The following LAMA4 variants were observed in gnomAD, a reference collection of about 807,000 sequenced individuals.
LAMA4 encodes the protein laminin subunit alpha-4.
In LAMA4, 127 loss-of-function variants were observed where a neutral mutation model predicts 207.1. The observed-to-expected ratio is 0.61, with a 90% CI of 0.53 to 0.71. The LOEUF is 0.71. Among genes scored for constraint, LAMA4 ranks in the 30% least tolerant of loss-of-function variants. The probability of loss-of-function intolerance (pLI) is 0.00; values close to 1 mark genes in which losing one functional copy is unlikely to be tolerated. For missense variants in LAMA4, 2,093 were observed against 2,246.5 expected (o/e 0.93, Z 1.38); for synonymous variants, 761 against 816.0 (o/e 0.93, Z 1.15).
intron 3 of LAMA4, among the ~76,000 whole-genome samples, chr6:112,208,033 T>C (rs1349333591): frequency 1.3e-5 from 2 of 152,234 alleles, no homozygotes; most frequent in African/African-American, 4.8e-5. Flanking sequence ...TAAGGGGCAG[T>C]GAGCTAACAC....
intron 6 of LAMA4, among the ~76,000 whole-genome samples, 185 bp downstream of exon 6, chr6:112,191,451 A>T (rs1235313421): frequency 6.6e-6 from 1 of 152,224 alleles, no homozygotes; most frequent in Admixed American, 6.5e-5. Context: ...TTATATTAGT[A>T]GCCTTGATAA....
intron 12 of LAMA4, among the ~76,000 whole-genome samples, chr6:112,170,348 C>T (rs1781641312): frequency 6.6e-6 from 1 of 152,208 alleles, no homozygotes; most frequent in Non-Finnish European, 1.5e-5. Flanking sequence ...GTCCACTTCT[C>T]ATTTCAGGGC....
chr6:112,204,298 A>G (rs782040414), intron 4 of LAMA4, among the ~76,000 whole-genome samples: 2 of 152,202 alleles, frequency 1.3e-5, no homozygotes, highest in Non-Finnish European at 2.9e-5. Flanking sequence ...ATCTGATTGC[A>G]TGTAGACAAG....
Position 112,200,238 on chromosome 6 carries a change from T to C in LAMA4, c.503+1370A>G, listed in dbSNP as rs1783660727. 4 of 496,798 alleles carry C rather than the reference T, an allele frequency of 8.1e-6. No homozygotes were observed. The Admixed American group carries it at 9.7e-5, about 12-fold the overall frequency. The allele number at this position is 496,798 out of a possible 1,614,324, so 30.8% of individuals were successfully genotyped here. A position where few individuals can be genotyped will look rare whatever the true frequency, so the allele number is the denominator to read the frequency against. ...AAGAGAGAAAAGAGTGTCATGTGCT[T>C]TTCAAAAGAAGACATTTATGTGGCC... On this transcript the variant is annotated intron_variant, in intron 5 of 38. Coordinates refer to ENST00000230538, the MANE Select transcript of LAMA4 (RefSeq NM_001105206.3).
chr6:112,132,415 T>A (rs1779089716), intron 28 of LAMA4, among the ~76,000 whole-genome samples: 1 of 152,100 alleles, frequency 6.6e-6, no homozygotes, highest in Non-Finnish European at 1.5e-5. Flanking sequence ...GTACTGGTAA[T>A]ACTACTGTGG....
rs1386982947 is a variant in LAMA4 at position 112,175,407 on chromosome 6, C to T, written c.1263G>A (p.Val421=). 5 of 1,614,190 alleles carry T rather than the reference C, an allele frequency of 3.1e-6. No individual in the cohort carries two copies. Among genetic ancestry groups the T allele is most frequent in the East Asian group, 4.5e-5 (2 of 44,888 alleles). The change falls in exon 11 of 39, where the codon GTG becomes GTA. Residue 421 remains valine, a synonymous_variant. Coordinates refer to ENST00000230538, the MANE Select transcript of LAMA4 (RefSeq NM_001105206.3). ...TCTCTTCAAGCATCTTCTGGGCCAA[C>T]ACCAGCTTCTCAGAGATTTCCTTGG... is the stretch of plus-strand genomic sequence containing the variant. ...LSPKEISEKL[V]LAQKMLEEIR...
chr6:112,156,883 C>T (rs782702716), intron 14 of LAMA4, among the ~76,000 whole-genome samples: 2 of 152,138 alleles, frequency 1.3e-5, no homozygotes, highest in African/African-American at 4.8e-5. Flanking sequence ...CATTCTACCC[C>T]CTCTACAAAA....
At chr6:112,242,568 T>G (rs1170583633) in intron 2 of LAMA4, among the ~76,000 whole-genome samples, 1 of 152,158 alleles carries the variant, frequency 6.6e-6, no homozygotes, top group African/African-American at 2.4e-5. Context: ...GATTCTGGGG[T>G]GGAACCTGAG....
chr6:112,199,125 G>A (rs1783587779), intron 5 of LAMA4, among the ~76,000 whole-genome samples: 1 of 152,154 alleles, frequency 6.6e-6, no homozygotes, highest in African/African-American at 2.4e-5. Flanking sequence ...TAATGGCAGA[G>A]CTCATGAGCA....
At position 112,182,983 on chromosome 6, in the gene LAMA4, A is replaced by G. The variant is rs574721386; in HGVS notation, c.1077+2254T>C. On this transcript the variant is annotated intron_variant, in intron 9 of 38. Transcript: ENST00000230538. ...GACATAAGTGGTGGGAAAGGGCTGT[A>G]GGACTTCCCAGTAGAAGGCTGGAGA... Among the ~76,000 whole-genome samples the G allele has an allele frequency of 8.7e-4, 133 of 152,314 alleles. 1 individual carries two copies. The highest frequency in any genetic ancestry group is 3.1e-3 in the African/African-American group (130 of 41,578).
chr6:112,131,964 T>A (rs1383691612), intron 28 of LAMA4, among the ~76,000 whole-genome samples: 2 of 152,272 alleles, frequency 1.3e-5, no homozygotes, highest in Admixed American at 6.5e-5. Flanking sequence ...AAATAACGTA[T>A]CTTTATAAGC....
At chr6:112,134,395 C>A in intron 26 of LAMA4, 72 bp downstream of exon 26, 4 of 1,491,802 alleles carry the variant, frequency 2.7e-6, no homozygotes, top group Non-Finnish European at 3.7e-6. Context: ...TACACTGTTA[C>A]TAGACCTCTC....
At chr6:112,147,823 G>T (rs1780123584) in intron 18 of LAMA4, among the ~76,000 whole-genome samples, 2 of 152,086 alleles carry the variant, frequency 1.3e-5, no homozygotes. Context: ...ATTTTGTTAA[G>T]ATTATTTACC....
At chr6:112,216,559 A>T in intron 2 of LAMA4, 90 bp from the exon 3 acceptor site, 3 of 812,890 alleles carry the variant, frequency 3.7e-6, no homozygotes, top group Non-Finnish European at 6.4e-6. Context: ...AGTGATTATT[A>T]AACAATCTAA....
intron 6 of LAMA4, 132 bp downstream of exon 6, chr6:112,191,504 A>G (rs1783118049): frequency 2.8e-6 from 2 of 715,198 alleles, no homozygotes; most frequent in East Asian, 5.4e-5. Context: ...ATTCCTGAGA[A>G]TGTACATTGC....
intron 17 of LAMA4, 128 bp downstream of exon 17, chr6:112,150,383 T>G: frequency 1.3e-6 from 1 of 788,978 alleles, no homozygotes; most frequent in Non-Finnish European, 2.3e-6. Context: ...GAACGTATTT[T>G]GTCATCAGAA....
chr6:112,176,545 G>A (rs563523797), intron 10 of LAMA4, among the ~76,000 whole-genome samples: 2 of 152,254 alleles, frequency 1.3e-5, no homozygotes, highest in South Asian at 2.1e-4. Flanking sequence ...ACATGTAATT[G>A]GTGTCTTACA....
At chr6:112,141,981 G>T in intron 20 of LAMA4, 138 bp downstream of exon 20, 1 of 789,578 alleles carries the variant, frequency 1.3e-6, no homozygotes, top group African/African-American at 1.7e-5. Flanking sequence ...TTTTAATTTT[G>T]CCATTAAAAT....
At chr6:112,235,117 C>A (rs1236655810) in intron 2 of LAMA4, among the ~76,000 whole-genome samples, 1 of 152,182 alleles carries the variant, frequency 6.6e-6, no homozygotes, top group African/African-American at 2.4e-5. Flanking sequence ...AGGGTTAGAA[C>A]TGTCCTGCCT....
Sources: gnomAD v4.1 joint callset for allele counts (sites outside exome capture counted in the v4.1 genomes callset) on GRCh38, gnomAD v4.1.1 for gene constraint, MANE v1.5 for transcripts, NCBI Gene and HGNC (gene_info 2026-07-23, HGNC 2026-07-21) for gene names.